PHACTR4: variants seen among roughly 807,000 people sequenced by gnomAD.
PHACTR4 encodes the protein phosphatase and actin regulator 4, also known as protein phosphatase 1, regulatory subunit 124.
Under a neutral mutation model 72.7 loss-of-function variants are expected in PHACTR4, and 51 were observed. That is an observed-to-expected ratio of 0.70 (90% CI 0.56 to 0.89). The LOEUF (loss-of-function observed/expected upper bound fraction) is 0.89, where lower values mean the gene tolerates loss of function less well. PHACTR4 is among the 40% of genes least tolerant of loss of function. The pLI, the probability that PHACTR4 is intolerant of heterozygous loss-of-function variation, is 0.00. For synonymous variants in PHACTR4, 255 were observed against 302.5 expected, an observed-to-expected ratio of 0.84 and a Z score of 1.63; for missense variants, 731 against 861.8, an observed-to-expected ratio of 0.85 and a Z score of 1.90.
rs776920338 is a variant in PHACTR4, at chr1:28,476,214, A to T, written c.1529A>T (p.Glu510Val). ...PKLPQCLREE[E>V]EKESDSDSEG... is the part of the protein sequence containing the mutation. ...TTACCACAGTGTCTACGGGAGGAAG[A>T]AGAGAAGGAGAGCGACTCTGATTCA... The change falls in exon 8 of 14, where the codon GAA (glutamate) becomes GTA (valine). Residue 510 changes from glutamate (E) to valine (V), a missense_variant. Around this residue, in one of 2 missense-constraint regions of PHACTR4, gnomAD observed 621 missense variants for 676.6 expected, o/e 0.92. Transcript: ENST00000373839. 1 of 1,613,972 alleles carries T rather than the reference A, an allele frequency of 6.2e-7. No homozygotes were observed. The highest frequency in any genetic ancestry group is 1.1e-5 in the South Asian group (1 of 91,042).
At chr1:28,375,078 C>T (rs538554788) in intron 1 of PHACTR4, among the ~76,000 whole-genome samples, 21 of 152,302 alleles carry the variant, frequency 1.4e-4, no homozygotes, top group African/African-American at 4.6e-4. Context: ...GCAAGCAGAT[C>T]ACTTGAGGCC....
Position 28,369,743 on chromosome 1 carries a change from C to G in PHACTR4, c.-121C>G, listed in dbSNP as rs780122931. On this transcript the variant is annotated 5_prime_UTR_variant, in exon 1 of 14. Transcript: ENST00000373839. ...CCTCCCCGGGGGCCAAGGGCTCCGGCTGCTGCCTGGCGGCCAACGGGCCAG... is the reference window on the plus strand; with the variant it reads ...CCTCCCCGGGGGCCAAGGGCTCCGGGTGCTGCCTGGCGGCCAACGGGCCAG... 9.2e-5 allele frequency: 41 copies of G among 445,330 alleles called. No homozygotes were observed. The highest frequency in any genetic ancestry group is 3.8e-4 in the Middle Eastern group (1 of 2,664). 27.6% of individuals were successfully genotyped at this position (445,330 alleles called of 1,614,324 possible). A position where few individuals can be genotyped will look rare whatever the true frequency, so the allele number is the denominator to read the frequency against.
At chr1:28,456,928 T>C (rs757247823) in intron 2 of PHACTR4, among the ~76,000 whole-genome samples, 20 of 111,856 alleles carry the variant, frequency 1.8e-4, no homozygotes, top group Non-Finnish European at 2.7e-4. Context: ...GATAGATAGA[T>C]AGATAGATAG....
intron 4 of PHACTR4, among the ~76,000 whole-genome samples, chr1:28,461,218 A>G (rs1363655733): frequency 6.6e-6 from 1 of 151,844 alleles, no homozygotes; most frequent in African/African-American, 2.4e-5. Flanking sequence ...GACGGGCAGA[A>G]CACTTAAGGT....
chr1:28,400,013 A>G (rs1331936763), intron 1 of PHACTR4, among the ~76,000 whole-genome samples: 1 of 152,170 alleles, frequency 6.6e-6, no homozygotes. Context: ...GAGCAAGAGA[A>G]GTAGGAAATG....
intron 2 of PHACTR4, among the ~76,000 whole-genome samples, chr1:28,413,676 A>G (rs186992980): frequency 1.3e-3 from 193 of 152,020 alleles, no homozygotes; most frequent in Non-Finnish European, 2.3e-3. Context: ...TTTTTATACT[A>G]TCCTTTCATT....
chr1:28,457,911 C>T (rs1570016898), intron 2 of PHACTR4: 1 of 973,572 alleles, frequency 1.0e-6, no homozygotes, highest in East Asian at 1.1e-4. Context: ...TGGTTGCCTT[C>T]CTGCTGGTTT....
intron 9 of PHACTR4, among the ~76,000 whole-genome samples, chr1:28,487,724 GTTGTTT>G (rs1182195758): frequency 4.9e-4 from 35 of 71,466 alleles, no homozygotes; most frequent in African/African-American, 2.0e-3. Context: ...GTAGTTTTTT[GTTGTTT>G]TTTTTTTTTT....
At position 28,496,596 on chromosome 1, in the gene PHACTR4, T is replaced by C. The variant is rs762991904; in HGVS notation, c.*47T>C. The C allele has an allele frequency of 2.3e-5, 37 of 1,607,976 alleles. No homozygotes were observed. In the South Asian group the frequency reaches 3.5e-4, roughly 15 times the overall value. ...TCAACATGGCTGCTTTGCTGCTTCC[T>C]TCTCCAAAGTGACATATGGAGGGAA... On this transcript the variant is annotated 3_prime_UTR_variant, in exon 14 of 14. Transcript: ENST00000373839.
intron 1 of PHACTR4, among the ~76,000 whole-genome samples, chr1:28,404,276 CTTTTTTTTTTTT>C (rs58454588): frequency 2.0e-5 from 2 of 101,414 alleles, no homozygotes; most frequent in Admixed American, 1.1e-4. Context: ...TATGAACATC[CTTTTTTTTTTTT>C]TTTTTTTTTT....
At chr1:28,437,797 A>G (rs1487210654) in intron 2 of PHACTR4, among the ~76,000 whole-genome samples, 3 of 152,222 alleles carry the variant, frequency 2.0e-5, no homozygotes, top group Non-Finnish European at 2.9e-5. Flanking sequence ...ATTTCCATAT[A>G]TAAATTGTAA....
At chr1:28,448,864 G>C (rs2124436598) in intron 2 of PHACTR4, among the ~76,000 whole-genome samples, 1 of 149,522 alleles carries the variant, frequency 6.7e-6, no homozygotes, top group South Asian at 2.1e-4. Flanking sequence ...AAGTAAAGCG[G>C]GGGGCGGGGG....
chr1:28,403,958 G>A (rs933310026), intron 1 of PHACTR4, among the ~76,000 whole-genome samples: 5 of 152,160 alleles, frequency 3.3e-5, no homozygotes, highest in African/African-American at 1.2e-4. Flanking sequence ...TGTTTATCCA[G>A]TGATCAGTGG....
At chr1:28,410,719 T>A (rs575954114) in intron 2 of PHACTR4, among the ~76,000 whole-genome samples, 179 of 152,298 alleles carry the variant, frequency 1.2e-3, no homozygotes, top group African/African-American at 4.1e-3. Flanking sequence ...TTCTTTTTTT[T>A]ATTTGAGACG....
intron 2 of PHACTR4, among the ~76,000 whole-genome samples, chr1:28,409,829 T>G (rs181468528): frequency 2.0e-5 from 3 of 152,092 alleles, no homozygotes; most frequent in African/African-American, 7.2e-5. Flanking sequence ...TTTAGGACCT[T>G]GGCTTTCTTT....
intron 6 of PHACTR4, among the ~76,000 whole-genome samples, chr1:28,467,939 T>A (rs565787084): frequency 6.6e-6 from 1 of 152,272 alleles, no homozygotes; most frequent in South Asian, 2.1e-4. Flanking sequence ...AAAAATATAG[T>A]TTTTTCAGGA....
chr1:28,384,241 C>G (rs1335161029), intron 1 of PHACTR4, among the ~76,000 whole-genome samples: 1 of 152,100 alleles, frequency 6.6e-6, no homozygotes, highest in African/African-American at 2.4e-5. Flanking sequence ...GGAATGGTAC[C>G]AGCTCTTCTT....
intron 12 of PHACTR4, 21 bp from the exon 13 acceptor site, chr1:28,492,994 A>AT: frequency 6.3e-7 from 1 of 1,592,258 alleles, no homozygotes; most frequent in Non-Finnish European, 8.6e-7. Flanking sequence ...AAGCTGAAAC[A>AT]TTTTTGTCTC....
intron 1 of PHACTR4, among the ~76,000 whole-genome samples, chr1:28,380,904 G>A (rs972961116): frequency 2.0e-5 from 3 of 152,002 alleles, no homozygotes; most frequent in Non-Finnish European, 4.4e-5. Context: ...AGTCTTTGAG[G>A]AATTGCCACA....
Sources: gnomAD v4.1 joint callset for allele counts (sites outside exome capture counted in the v4.1 genomes callset) on GRCh38, gnomAD v4.1.1 for gene constraint, gnomAD v4.1.1 regional missense constraint, MANE v1.5 for transcripts, NCBI Gene and HGNC (gene_info 2026-07-23, HGNC 2026-07-21) for gene names.